Variants in DNAJC1 observed in about 807,000 individuals in gnomAD.
DNAJC1 encodes the protein DnaJ heat shock protein family (Hsp40) member C1.
Under a neutral mutation model 76.6 loss-of-function variants are expected in DNAJC1, and 58 were observed. The ratio of observed to expected loss-of-function variants is 0.76; its 90% CI spans 0.61 to 0.94. The LOEUF is 0.94. Ranked by LOEUF, DNAJC1 falls within the 40% of genes least tolerant of loss-of-function variation. The probability of loss-of-function intolerance (pLI) is 0.00; values close to 1 mark genes in which losing one functional copy is unlikely to be tolerated. For missense variants in DNAJC1, 689 were observed against 677.3 expected (o/e 1.02, Z -0.19); for synonymous variants, 258 against 267.9 (o/e 0.96, Z 0.36).
At chr10:21,992,147 C>A (rs537955255) in intron 1 of DNAJC1, among the ~76,000 whole-genome samples, 75 of 152,296 alleles carry the variant, frequency 4.9e-4, no homozygotes, top group Admixed American at 1.0e-3. Flanking sequence ...CCCGTCTCTA[C>A]TAAAAATGCA....
At chr10:21,891,608 GAC>G (rs1836464761) in intron 7 of DNAJC1, among the ~76,000 whole-genome samples, 1 of 151,880 alleles carries the variant, frequency 6.6e-6, no homozygotes, top group Non-Finnish European at 1.5e-5. Context: ...CAATTCAAAT[GAC>G]AGTGTATTTC....
chr10:21,878,863 AATT>A (rs1357548547), intron 8 of DNAJC1, among the ~76,000 whole-genome samples: 1 of 152,044 alleles, frequency 6.6e-6, no homozygotes, highest in Non-Finnish European at 1.5e-5. Context: ...TTCACAGAAA[AATT>A]ATTCATTATA....
At chr10:21,776,059 A>C (rs1438442003) in intron 9 of DNAJC1, among the ~76,000 whole-genome samples, 2 of 152,180 alleles carry the variant, frequency 1.3e-5, no homozygotes, top group African/African-American at 4.8e-5. Flanking sequence ...TTTGTGATTT[A>C]TGATAGGTAA....
chr10:21,913,073 A>G (rs1428776205), intron 6 of DNAJC1, among the ~76,000 whole-genome samples: 1 of 151,588 alleles, frequency 6.6e-6, no homozygotes, highest in Non-Finnish European at 1.5e-5. Flanking sequence ...GGCAACCTAT[A>G]CATCCTGATG....
chr10:21,889,925 G>A (rs895084071), intron 7 of DNAJC1, among the ~76,000 whole-genome samples: 1 of 152,188 alleles, frequency 6.6e-6, no homozygotes, highest in East Asian at 1.9e-4. Flanking sequence ...GGGAAACCTA[G>A]GCTGCTGCCA....
chr10:21,826,327 T>C (rs1181636180), intron 8 of DNAJC1, among the ~76,000 whole-genome samples: 1 of 151,994 alleles, frequency 6.6e-6, no homozygotes, highest in Non-Finnish European at 1.5e-5. Context: ...ACTCTCTCTC[T>C]CTTTTTATTT....
In DNAJC1 at chr10:22,003,194, CGCGCGCCTCCTTG is replaced by C; in HGVS notation, c.222+6_222+18del. 1 of 1,515,188 alleles carries C rather than the reference CGCGCGCCTCCTTG, an allele frequency of 6.6e-7. No individual in the cohort carries two copies. The highest frequency in any genetic ancestry group is 8.8e-7 in the Non-Finnish European group (1 of 1,130,528). The allele number at this position is 1,515,188 out of a possible 1,614,324, so 93.9% of individuals were successfully genotyped here. A position where few individuals can be genotyped will look rare whatever the true frequency, so the allele number is the denominator to read the frequency against. ...GCCCTGGCCCCTCTCCGCCCGGCCC[CGCGCGCCTCCTTG>C]CTTACCTGCTGCACCCCGAGGAACT... On this transcript the variant is annotated splice_donor_region_variant and intron_variant, in intron 1 of 11. Transcript: ENST00000376980.
intron 8 of DNAJC1, among the ~76,000 whole-genome samples, chr10:21,853,945 T>C (rs1487180547): frequency 6.6e-6 from 1 of 152,020 alleles, no homozygotes; most frequent in Non-Finnish European, 1.5e-5. Flanking sequence ...TCCCAGAAGT[T>C]TAAAATGACG....
chr10:22,001,778 A>G (rs1356663782), intron 1 of DNAJC1, among the ~76,000 whole-genome samples: 1 of 152,240 alleles, frequency 6.6e-6, no homozygotes, highest in African/African-American at 2.4e-5. Flanking sequence ...CTCTTTACGT[A>G]CAGAATGTAA....
intron 11 of DNAJC1, among the ~76,000 whole-genome samples, chr10:21,757,256 C>T (rs1209370532): frequency 1.3e-5 from 2 of 152,190 alleles, no homozygotes; most frequent in African/African-American, 4.8e-5. Flanking sequence ...CCTGGCCCCA[C>T]CTCCATCCCA....
intron 8 of DNAJC1, among the ~76,000 whole-genome samples, chr10:21,807,278 G>C (rs1168286226): frequency 6.6e-6 from 1 of 152,162 alleles, no homozygotes; most frequent in Admixed American, 6.6e-5. Flanking sequence ...ACAGTCAGAG[G>C]TGAGTGACCC....
intron 1 of DNAJC1, among the ~76,000 whole-genome samples, chr10:21,984,913 G>A (rs533910043): frequency 1.8e-4 from 28 of 152,294 alleles, no homozygotes; most frequent in African/African-American, 6.7e-4. Flanking sequence ...GCATGTGTAT[G>A]TATGAAGAGG....
intron 8 of DNAJC1, among the ~76,000 whole-genome samples, chr10:21,857,413 C>T (rs988709869): frequency 3.3e-5 from 5 of 152,166 alleles, no homozygotes; most frequent in Admixed American, 1.3e-4. Flanking sequence ...CAAGGTTCTA[C>T]ACCTCATGGA....
intron 1 of DNAJC1, among the ~76,000 whole-genome samples, chr10:21,974,701 G>A (rs1838034130): frequency 1.3e-5 from 2 of 152,060 alleles, no homozygotes; most frequent in African/African-American, 4.8e-5. Context: ...CTAAAAACCT[G>A]TAGCAATATA....
intron 8 of DNAJC1, among the ~76,000 whole-genome samples, chr10:21,855,409 C>A (rs1313206410): frequency 6.6e-6 from 1 of 152,056 alleles, no homozygotes; most frequent in African/African-American, 2.4e-5. Flanking sequence ...TGATAAATAT[C>A]TTTAATTCAA....
At chr10:21,784,160 G>C (rs890250372) in intron 9 of DNAJC1, among the ~76,000 whole-genome samples, 3 of 152,134 alleles carry the variant, frequency 2.0e-5, no homozygotes, top group African/African-American at 7.2e-5. Context: ...ATCTGACAAA[G>C]GGCTAATATC....
At chr10:21,867,569 A>C (rs1369842444) in intron 8 of DNAJC1, among the ~76,000 whole-genome samples, 2 of 152,072 alleles carry the variant, frequency 1.3e-5, no homozygotes, top group Non-Finnish European at 2.9e-5. Flanking sequence ...CGACTAGCAA[A>C]AGGAATCTAT....
rs374065809 is a variant in DNAJC1, at chr10:21,816,315, G to A, written c.979-10216C>T. ...GAGGAGGTTGTAATGAGCCAAGATC[G>A]TGCCACTGCGCTCCAGCCTGGCCGA... On this transcript the variant is annotated intron_variant, in intron 8 of 11. Transcript: ENST00000376980. 2.3e-3 allele frequency among the ~76,000 whole-genome samples: 350 copies of A among 151,954 alleles called. 12 individuals are homozygous for A. In the South Asian group the frequency reaches 0.067, roughly 29 times the overall value.
intron 1 of DNAJC1, among the ~76,000 whole-genome samples, chr10:21,931,401 T>TA (rs574872402): frequency 7.5e-4 from 115 of 152,346 alleles, no homozygotes; most frequent in African/African-American, 2.6e-3. Context: ...CTCAAGTAGA[T>TA]ACGGTGAAAA....
Sources: allele counts gnomAD v4.1 joint callset (sites outside exome capture counted in the v4.1 genomes callset), GRCh38; gene constraint gnomAD v4.1.1; transcripts MANE v1.5; gene names NCBI Gene and HGNC (gene_info 2026-07-23, HGNC 2026-07-21).